The following SLC39A11 variants were observed in gnomAD, a reference collection of about 807,000 sequenced individuals.
The protein encoded by SLC39A11 is zinc transporter ZIP11.
SLC39A11 carries 33 observed loss-of-function variants against 36.1 expected under a neutral mutation model. That is an observed-to-expected ratio of 0.91 (90% CI 0.69 to 1.22). The LOEUF is 1.22. Ranked by LOEUF, SLC39A11 falls within the 50% of genes most tolerant of loss-of-function variation. The pLI, the probability that SLC39A11 is intolerant of heterozygous loss-of-function variation, is 0.00. For missense variants in SLC39A11, 432 were observed against 430.3 expected, an observed-to-expected ratio of 1.00 and a Z score of -0.03; for synonymous variants, 166 against 170.3, an observed-to-expected ratio of 0.97 and a Z score of 0.20.
chr17:73,081,658 C>T (rs56791754), intron 3 of SLC39A11, among the ~76,000 whole-genome samples: 26 of 56,982 alleles, frequency 4.6e-4, no homozygotes, highest in South Asian at 1.5e-3. Flanking sequence ...CACACACACA[C>T]ACACACACAC....
chr17:72,752,331 G>A (rs1187023413), intron 6 of SLC39A11, among the ~76,000 whole-genome samples: 1 of 151,928 alleles, frequency 6.6e-6, no homozygotes, highest in African/African-American at 2.4e-5. Flanking sequence ...TGCAGCCTCC[G>A]CCTCCCGGGT....
chr17:72,826,365 A>G (rs968713753), intron 6 of SLC39A11, among the ~76,000 whole-genome samples: 2 of 152,138 alleles, frequency 1.3e-5, no homozygotes, highest in African/African-American at 4.8e-5. Context: ...TGGAACTGTG[A>G]GCCAATTAAA....
chr17:72,692,709 C>A (rs142523901), intron 7 of SLC39A11, among the ~76,000 whole-genome samples: 106 of 152,270 alleles, frequency 7.0e-4, no homozygotes, highest in African/African-American at 2.3e-3. Context: ...CAGCCAAACC[C>A]TATCAGATGG....
In SLC39A11 at chr17:73,020,680, C is replaced by CTTTTTTTTT. The variant is rs71154945; in HGVS notation, c.306+10867_306+10875dup. On this transcript the variant is annotated intron_variant, in intron 4 of 9. Coordinates refer to ENST00000255559, the MANE Select transcript of SLC39A11 (RefSeq NM_139177.4). ...TTTTGGGGGGTCTTTTTGTTTCTTT[C>CTTTTTTTTT]TTTTTTTTTTTTTTTTTTTTTGAGA... Among the ~76,000 whole-genome samples, 36 of 98,882 alleles carry CTTTTTTTTT rather than the reference C, an allele frequency of 3.6e-4. 1 individual carries two copies. Among genetic ancestry groups the CTTTTTTTTT allele is most frequent in the South Asian group, 7.2e-4 (2 of 2,774 alleles). 64.9% of individuals were successfully genotyped at this position (98,882 alleles called of 152,430 possible). A position where few individuals can be genotyped will look rare whatever the true frequency, so the allele number is the denominator to read the frequency against.
rs561837394 is a variant in SLC39A11 at position 72,846,795 on chromosome 17, T to G, written c.601+2839A>C. On this transcript the variant is annotated intron_variant, in intron 6 of 9. Transcript: ENST00000255559. ...TTACCTTATTTAACACTAAACCCAC[T>G]GGGCAGATCTTTACTCTTCCTCAAT... Among the ~76,000 whole-genome samples, 29 of 152,318 alleles carry G rather than the reference T, an allele frequency of 1.9e-4. 1 individual carries two copies. Among genetic ancestry groups the G allele is most frequent in the Admixed American group, 3.9e-4 (6 of 15,308 alleles).
chr17:72,814,084 G>C (rs533701738), intron 6 of SLC39A11, among the ~76,000 whole-genome samples: 1 of 152,302 alleles, frequency 6.6e-6, no homozygotes, highest in African/African-American at 2.4e-5. Context: ...GTCTAATACA[G>C]TAGCCACATG....
At chr17:72,709,462 C>A (rs2073028506) in intron 7 of SLC39A11, among the ~76,000 whole-genome samples, 1 of 152,208 alleles carries the variant, frequency 6.6e-6, no homozygotes, top group Non-Finnish European at 1.5e-5. Context: ...CTCAAGAGAT[C>A]TGATGTATAG....
chr17:72,718,218 C>T (rs1020581765), intron 7 of SLC39A11, among the ~76,000 whole-genome samples: 5 of 152,130 alleles, frequency 3.3e-5, no homozygotes, highest in Admixed American at 1.3e-4. Flanking sequence ...GAGGCTGAGG[C>T]GGACGGATCT....
intron 5 of SLC39A11, among the ~76,000 whole-genome samples, chr17:72,890,284 CAA>C (rs11335169): frequency 2.4e-4 from 34 of 140,976 alleles, no homozygotes; most frequent in Admixed American, 3.6e-4. Flanking sequence ...ACAACAACAA[CAA>C]AAAAAAAAAA....
chr17:72,686,839 C>G (rs770885757), intron 7 of SLC39A11, among the ~76,000 whole-genome samples: 1 of 152,216 alleles, frequency 6.6e-6, no homozygotes, highest in South Asian at 2.1e-4. Flanking sequence ...GGGACCACCA[C>G]AGGTCATTTA....
At chr17:73,045,360 T>C (rs1403841207) in intron 3 of SLC39A11, among the ~76,000 whole-genome samples, 1 of 117,460 alleles carries the variant, frequency 8.5e-6, no homozygotes, top group Non-Finnish European at 1.6e-5. Flanking sequence ...CACCTAATTC[T>C]ACCTCCAGTG....
chr17:72,848,029 G>T (rs1215945948), intron 6 of SLC39A11, among the ~76,000 whole-genome samples: 1 of 152,208 alleles, frequency 6.6e-6, no homozygotes, highest in East Asian at 1.9e-4. Flanking sequence ...AAGATCTCAA[G>T]ATCGAGGAAA....
Position 72,647,661 on chromosome 17 carries a change from C to A in SLC39A11, c.931G>T (p.Gly311Cys). 6.2e-7 allele frequency: 1 copy of A among 1,613,632 alleles called. No homozygotes were observed. The highest frequency in any genetic ancestry group is 1.3e-5 in the African/African-American group (1 of 75,008). The stretch of plus-strand genomic sequence containing the variant: ...GCCCAGGATGCCAGTTTCCCATTAC[C>A]ACTGGAAGAGAAGGACAGGAAGAAA... Reference protein sequence around the residue: ...DDIIPEAQISGNGKLASWASI... With the variant: ...DDIIPEAQISCNGKLASWASI... Residue 311 changes from glycine to cysteine, a missense_variant and splice_region_variant, in exon 10 of 10, where the codon GGT becomes TGT. Gly to Cys is a radical substitution (Grantham distance 159). Coordinates refer to ENST00000255559, the MANE Select transcript of SLC39A11 (RefSeq NM_139177.4).
chr17:72,747,538 G>A (rs1017227028), intron 6 of SLC39A11, among the ~76,000 whole-genome samples: 2 of 152,158 alleles, frequency 1.3e-5, no homozygotes, highest in Non-Finnish European at 2.9e-5. Context: ...CACTAGGGAC[G>A]GGAGCAACGT....
chr17:72,708,835 T>G (rs772533608), intron 7 of SLC39A11, among the ~76,000 whole-genome samples: 33 of 152,274 alleles, frequency 2.2e-4, no homozygotes, highest in Non-Finnish European at 4.0e-4. Context: ...TTCACTTCCT[T>G]TTCACTTTTG....
At chr17:72,973,467 C>T (rs1166172637) in intron 4 of SLC39A11, among the ~76,000 whole-genome samples, 1 of 152,142 alleles carries the variant, frequency 6.6e-6, no homozygotes, top group African/African-American at 2.4e-5. Context: ...TTTCCCTGGG[C>T]TGCAGGGGAG....
At chr17:72,935,056 C>T (rs918248257) in intron 5 of SLC39A11, among the ~76,000 whole-genome samples, 1 of 152,188 alleles carries the variant, frequency 6.6e-6, no homozygotes, top group Non-Finnish European at 1.5e-5. Context: ...ACACAAAAGC[C>T]TGTATGCCAA....
intron 6 of SLC39A11, among the ~76,000 whole-genome samples, chr17:72,752,611 G>A (rs971937161): frequency 5.9e-5 from 9 of 151,944 alleles, no homozygotes; most frequent in African/African-American, 2.2e-4. Flanking sequence ...TCAGCTGGTC[G>A]CTAACTCCTG....
intron 5 of SLC39A11, among the ~76,000 whole-genome samples, chr17:72,858,383 A>G (rs547224948): frequency 2.0e-5 from 3 of 152,186 alleles, no homozygotes; most frequent in Non-Finnish European, 4.4e-5. Context: ...CTGTAGTCCT[A>G]TGGTATAGTT....
Sources: allele counts gnomAD v4.1 joint callset (sites outside exome capture counted in the v4.1 genomes callset), GRCh38; gene constraint gnomAD v4.1.1; transcripts MANE v1.5; gene names NCBI Gene and HGNC (gene_info 2026-07-23, HGNC 2026-07-21).